Variants in NRG3 observed in about 807,000 individuals in gnomAD.
NRG3 encodes pro-neuregulin-3, membrane-bound isoform.
NRG3 carries 31 observed loss-of-function variants against 66.9 expected under a neutral mutation model. That is an observed-to-expected ratio of 0.46 (90% confidence interval 0.35 to 0.63). The LOEUF is 0.63. Among genes scored for constraint, NRG3 ranks in the 20% least tolerant of loss-of-function variants. The pLI is 0.00. For synonymous variants in NRG3, 393 were observed against 359.4 expected (o/e 1.09, Z -1.06); for missense variants, 910 against 878.9 (o/e 1.04, Z -0.45).
chr10:82,977,534 G>A (rs1284566801), intron 7 of NRG3, among the ~76,000 whole-genome samples: 3 of 151,240 alleles, frequency 2.0e-5, no homozygotes, highest in African/African-American at 4.9e-5. Flanking sequence ...ACTTGAACCT[G>A]GGAGGTAGAG....
intron 1 of NRG3, among the ~76,000 whole-genome samples, chr10:82,171,215 C>T (rs564338292): frequency 4.6e-5 from 7 of 151,974 alleles, no homozygotes; most frequent in East Asian, 1.9e-4. Context: ...AAAGTAGAGA[C>T]GCATCAAATC....
At chr10:82,762,453 C>G (rs994912312) in intron 3 of NRG3, among the ~76,000 whole-genome samples, 2 of 152,114 alleles carry the variant, frequency 1.3e-5, no homozygotes, top group Non-Finnish European at 2.9e-5. Flanking sequence ...ATAGGCCATA[C>G]AATGCAAACT....
intron 1 of NRG3, among the ~76,000 whole-genome samples, chr10:82,300,821 C>A (rs955760934): frequency 3.9e-5 from 6 of 152,038 alleles, no homozygotes; most frequent in African/African-American, 1.4e-4. Flanking sequence ...AAAACACACA[C>A]ACACACAAAA....
intron 3 of NRG3, among the ~76,000 whole-genome samples, chr10:82,798,938 A>G (rs1403821485): frequency 1.3e-5 from 2 of 152,178 alleles, no homozygotes; most frequent in African/African-American, 2.4e-5. Flanking sequence ...AGACAGTGGT[A>G]GGTCACACAG....
intron 1 of NRG3, among the ~76,000 whole-genome samples, chr10:81,902,798 G>A (rs755132820): frequency 6.6e-6 from 1 of 152,142 alleles, no homozygotes; most frequent in Non-Finnish European, 1.5e-5. Context: ...TACAACCTCT[G>A]CCTCTCTAGG....
Position 82,244,185 on chromosome 10 carries a change from C to T in NRG3, c.824-114554C>T, listed in dbSNP as rs573578677. 1.3e-3 allele frequency among the ~76,000 whole-genome samples: 196 copies of T among 152,258 alleles called. 1 individual carries two copies. The highest frequency in any genetic ancestry group is 4.6e-3 in the African/African-American group (190 of 41,554). On this transcript the variant is annotated intron_variant, in intron 1 of 8. Transcript: ENST00000372141. The stretch of plus-strand genomic sequence containing the variant: ...CTGTAACTCTTTCCTATGGCTTGGA[C>T]AGTGACAATAGCATTCGTGCTGTTC...
chr10:82,336,987 G>T (rs543146162), intron 1 of NRG3, among the ~76,000 whole-genome samples: 1 of 152,298 alleles, frequency 6.6e-6, no homozygotes, highest in East Asian at 1.9e-4. Flanking sequence ...GGAGGTATGT[G>T]AGGGTTTTTC....
intron 3 of NRG3, among the ~76,000 whole-genome samples, chr10:82,800,185 A>G (rs1473879795): frequency 3.3e-5 from 5 of 152,300 alleles, no homozygotes; most frequent in African/African-American, 1.2e-4. Flanking sequence ...TTAAAAAACT[A>G]TATTTGCTAG....
intron 2 of NRG3, among the ~76,000 whole-genome samples, chr10:82,394,684 C>T (rs1258216262): frequency 6.6e-6 from 1 of 152,084 alleles, no homozygotes; most frequent in Non-Finnish European, 1.5e-5. Context: ...CAGAGAATAT[C>T]TAATTTTAGA....
chr10:82,761,795 A>T (rs2059312478), intron 3 of NRG3, among the ~76,000 whole-genome samples: 1 of 151,800 alleles, frequency 6.6e-6, no homozygotes, highest in South Asian at 2.1e-4. Flanking sequence ...TTTTCAAAAT[A>T]AAAAAATTAA....
At chr10:82,480,003 C>G (rs994380970) in intron 2 of NRG3, among the ~76,000 whole-genome samples, 1 of 152,094 alleles carries the variant, frequency 6.6e-6, no homozygotes, top group Non-Finnish European at 1.5e-5. Flanking sequence ...AACAAAAAAA[C>G]CTTACCATTT....
intron 4 of NRG3, among the ~76,000 whole-genome samples, chr10:82,869,959 T>C (rs1292997346): frequency 6.6e-6 from 1 of 150,788 alleles, no homozygotes; most frequent in East Asian, 1.9e-4. Flanking sequence ...GACTGTCATA[T>C]ATTTGAAATA....
intron 2 of NRG3, among the ~76,000 whole-genome samples, chr10:82,546,506 A>T (rs1056367353): frequency 1.3e-5 from 2 of 152,174 alleles, no homozygotes; most frequent in African/African-American, 4.8e-5. Context: ...TAATATGGAA[A>T]AATGTCTATG....
At chr10:82,197,005 C>T (rs748578552) in intron 1 of NRG3, among the ~76,000 whole-genome samples, 1 of 152,118 alleles carries the variant, frequency 6.6e-6, no homozygotes, top group Non-Finnish European at 1.5e-5. Context: ...GAAATAGAAG[C>T]CAGAGGTTCA....
chr10:81,891,117 C>A (rs1430643328), intron 1 of NRG3, among the ~76,000 whole-genome samples: 1 of 152,150 alleles, frequency 6.6e-6, no homozygotes, highest in East Asian at 1.9e-4. Flanking sequence ...CTTCAATTAT[C>A]AGTAACGTGC....
chr10:82,862,663 A>G (rs938491248), intron 3 of NRG3, among the ~76,000 whole-genome samples: 4 of 152,050 alleles, frequency 2.6e-5, no homozygotes, highest in African/African-American at 9.7e-5. Context: ...CCCAAGTAAG[A>G]GTAGACAAAC....
intron 2 of NRG3, among the ~76,000 whole-genome samples, chr10:82,515,430 G>A (rs1000151615): frequency 6.6e-6 from 1 of 152,166 alleles, no homozygotes; most frequent in Non-Finnish European, 1.5e-5. Flanking sequence ...AGTAAGAAAT[G>A]TGTGTGTTTG....
intron 1 of NRG3, among the ~76,000 whole-genome samples, chr10:82,163,028 C>T (rs1158352508): frequency 6.6e-6 from 1 of 152,044 alleles, no homozygotes; most frequent in African/African-American, 2.4e-5. Flanking sequence ...TTACTGTGCT[C>T]TTGGCTTTCT....
intron 3 of NRG3, among the ~76,000 whole-genome samples, chr10:82,864,745 T>C (rs1462658942): frequency 6.6e-6 from 1 of 152,132 alleles, no homozygotes; most frequent in Non-Finnish European, 1.5e-5. Flanking sequence ...GACACACATA[T>C]TTGTGTTTGG....
Sources: allele counts gnomAD v4.1 joint callset (sites outside exome capture counted in the v4.1 genomes callset), GRCh38; gene constraint gnomAD v4.1.1; transcripts MANE v1.5; gene names NCBI Gene and HGNC (gene_info 2026-07-23, HGNC 2026-07-21).